The following KCNMA1 variants were observed in gnomAD, a reference collection of about 807,000 sequenced individuals.
KCNMA1 encodes the protein potassium calcium-activated channel subfamily M alpha 1.
A neutral mutation model predicts 140.0 loss-of-function variants in KCNMA1; 29 were observed. That is an observed-to-expected ratio of 0.21 (90% CI 0.15 to 0.28). The LOEUF is 0.28. Among genes scored for constraint, KCNMA1 ranks in the 10% least tolerant of loss-of-function variants. KCNMA1 has a pLI of 1.00. For synonymous variants in KCNMA1, 612 were observed against 611.9 expected, an observed-to-expected ratio of 1.00 and a Z score of 0.00; for missense variants, 880 against 1,602.2, an observed-to-expected ratio of 0.55 and a Z score of 7.70.
chr10:77,413,900 C>T (rs368472296), intron 1 of KCNMA1, among the ~76,000 whole-genome samples: 1 of 152,176 alleles, frequency 6.6e-6, no homozygotes, highest in Non-Finnish European at 1.5e-5. Flanking sequence ...CCGATTACCC[C>T]GAGCTGTCAG....
intron 1 of KCNMA1, among the ~76,000 whole-genome samples, chr10:77,631,131 T>G (rs1179899543): frequency 1.6e-5 from 2 of 125,292 alleles, no homozygotes; most frequent in African/African-American, 6.0e-5. Context: ...AAAAAAAAAG[T>G]TTGAGAAGCC....
intron 3 of KCNMA1, chr10:77,217,660 A>C (rs2048245764): frequency 2.5e-6 from 1 of 393,122 alleles, no homozygotes. Context: ...GTGCAGTTGC[A>C]CCTCAATTTA....
At chr10:76,951,637 C>A (rs549947356) in intron 21 of KCNMA1, among the ~76,000 whole-genome samples, 2 of 152,288 alleles carry the variant, frequency 1.3e-5, no homozygotes, top group South Asian at 4.1e-4. Flanking sequence ...CTCAAAGCAT[C>A]CTCATGTAGC....
chr10:76,972,155 T>A (rs2076281675), intron 19 of KCNMA1, among the ~76,000 whole-genome samples: 1 of 152,204 alleles, frequency 6.6e-6, no homozygotes. Flanking sequence ...CTGGAGCAAA[T>A]AACACGTGTG....
At chr10:77,190,417 G>A (rs1442977106) in intron 3 of KCNMA1, among the ~76,000 whole-genome samples, 1 of 152,158 alleles carries the variant, frequency 6.6e-6, no homozygotes, top group Non-Finnish European at 1.5e-5. Context: ...AGACCCTGCA[G>A]CTATGTGGTA....
At chr10:77,070,269 G>T (rs1382079427) in intron 14 of KCNMA1, among the ~76,000 whole-genome samples, 1 of 152,094 alleles carries the variant, frequency 6.6e-6, no homozygotes, top group East Asian at 1.9e-4. Flanking sequence ...TTGAACCCAG[G>T]AGTTTGAGAC....
At chr10:77,568,470 C>G (rs1168281674) in intron 1 of KCNMA1, among the ~76,000 whole-genome samples, 1 of 150,250 alleles carries the variant, frequency 6.7e-6, no homozygotes, top group Non-Finnish European at 1.5e-5. Context: ...ATAAACAGAA[C>G]CAAAGACAAA....
At chr10:77,025,019 T>C (rs189895678) in intron 16 of KCNMA1, among the ~76,000 whole-genome samples, 7 of 151,674 alleles carry the variant, frequency 4.6e-5, no homozygotes, top group African/African-American at 1.7e-4. Flanking sequence ...GTCAGGACAA[T>C]ACAGAAACAG....
intron 3 of KCNMA1, among the ~76,000 whole-genome samples, chr10:77,237,399 C>A (rs576945894): frequency 6.6e-6 from 1 of 152,308 alleles, no homozygotes; most frequent in South Asian, 2.1e-4. Context: ...CCAAGAAGGT[C>A]TGGTCTGATT....
intron 17 of KCNMA1, among the ~76,000 whole-genome samples, chr10:77,013,888 G>A (rs775152569): frequency 1.3e-5 from 2 of 152,172 alleles, no homozygotes; most frequent in Non-Finnish European, 2.9e-5. Context: ...CTAAAGAGAT[G>A]ATGACATGAT....
At chr10:77,465,108 G>A (rs1252644449) in intron 1 of KCNMA1, among the ~76,000 whole-genome samples, 2 of 152,170 alleles carry the variant, frequency 1.3e-5, no homozygotes, top group Admixed American at 1.3e-4. Flanking sequence ...TTCTGAGACG[G>A]CCAGGCCTGA....
intron 1 of KCNMA1, among the ~76,000 whole-genome samples, chr10:77,507,940 G>A (rs1038593070): frequency 6.6e-6 from 1 of 152,196 alleles, no homozygotes; most frequent in African/African-American, 2.4e-5. Context: ...AGTGCAACCT[G>A]AAACACTGAA....
intron 1 of KCNMA1, among the ~76,000 whole-genome samples, chr10:77,412,349 C>G (rs2096638054): frequency 6.6e-6 from 1 of 152,176 alleles, no homozygotes; most frequent in South Asian, 2.1e-4. Context: ...TGCCAGGAGC[C>G]CCACCCCACC....
intron 1 of KCNMA1, among the ~76,000 whole-genome samples, chr10:77,621,407 T>C (rs1308319791): frequency 1.3e-5 from 2 of 152,140 alleles, no homozygotes; most frequent in African/African-American, 4.8e-5. Flanking sequence ...AAGGCATCAT[T>C]CCACACCAGG....
chr10:77,099,018 T>C (rs2097019422), intron 9 of KCNMA1, among the ~76,000 whole-genome samples: 1 of 152,120 alleles, frequency 6.6e-6, no homozygotes, highest in South Asian at 2.1e-4. Context: ...GGGAGCTGAA[T>C]GGCACTTTCC....
chr10:77,563,117 G>GTT (rs2066931931), intron 1 of KCNMA1, among the ~76,000 whole-genome samples: 1 of 151,792 alleles, frequency 6.6e-6, no homozygotes, highest in African/African-American at 2.4e-5. Flanking sequence ...AGAAACACAT[G>GTT]GTAAGATTCT....
chr10:77,063,269 C>T (rs1041663320), intron 14 of KCNMA1, among the ~76,000 whole-genome samples: 5 of 151,864 alleles, frequency 3.3e-5, no homozygotes, highest in Admixed American at 6.6e-5. Context: ...AAAAATTAGC[C>T]GGGTGTGGTG....
At chr10:77,476,587 T>C (rs1259095448) in intron 1 of KCNMA1, among the ~76,000 whole-genome samples, 4 of 152,210 alleles carry the variant, frequency 2.6e-5, no homozygotes, top group African/African-American at 4.8e-5. Context: ...TGGCTCCTGC[T>C]GTCACAGGCT....
chr10:77,530,698 C>T (rs905931146), intron 1 of KCNMA1, among the ~76,000 whole-genome samples: 1 of 152,172 alleles, frequency 6.6e-6, no homozygotes, highest in Admixed American at 6.5e-5. Context: ...ACCACATGTT[C>T]TATAGGAGAC....
Sources: allele counts gnomAD v4.1 joint callset (sites outside exome capture counted in the v4.1 genomes callset), GRCh38; gene constraint gnomAD v4.1.1; transcripts MANE v1.5; gene names NCBI Gene and HGNC (gene_info 2026-07-23, HGNC 2026-07-21).